The following MED13L variants were observed in gnomAD, a reference collection of about 807,000 sequenced individuals.
The protein encoded by MED13L is mediator of RNA polymerase II transcription subunit 13-like.
A neutral mutation model predicts 220.9 loss-of-function variants in MED13L; 7 were observed. The observed-to-expected ratio is 0.03, with a 90% CI of 0.02 to 0.06. MED13L has a LOEUF of 0.06. MED13L is among the 10% of genes least tolerant of loss of function. The pLI is 1.00. For synonymous variants in MED13L, 1,011 were observed against 1,015.2 expected, an observed-to-expected ratio of 1.00 and a Z score of 0.08; for missense variants, 1,965 against 2,760.5, an observed-to-expected ratio of 0.71 and a Z score of 6.46.
rs762410081 is a variant in MED13L, at chr12:115,991,686, G to T, written c.3268C>A (p.Arg1090=). The T allele has an allele frequency of 6.2e-7, 1 of 1,613,996 alleles. No individual in the cohort carries two copies. Among genetic ancestry groups the T allele is most frequent in the East Asian group, 2.2e-5 (1 of 44,824 alleles). ...GCGGGCTCCACAGAGTTGAGGGGCC[G>T]TGTAGTAGAGGGGGTGGAGGCTGGT... ...GSPASTPSTT[R]PLNSVEPATM... The change falls in exon 17 of 31, where the codon CGG becomes AGG. Residue 1090 remains arginine (R), a synonymous_variant. Coordinates refer to ENST00000281928, the MANE Select transcript of MED13L (RefSeq NM_015335.5). This position sits in a 1 kb window ranked among gnomAD's most constrained non-coding sequence, Gnocchi z 7.7.
intron 2 of MED13L, among the ~76,000 whole-genome samples, chr12:116,200,230 G>A (rs1319956957): frequency 6.6e-6 from 1 of 150,914 alleles, no homozygotes; most frequent in Non-Finnish European, 1.5e-5. Flanking sequence ...TTTAATTATC[G>A]CATTTCCTTC....
At position 115,966,987 on chromosome 12, in the gene MED13L, C is replaced by T. The variant is rs146956131; in HGVS notation, c.6226-744G>A. Among the ~76,000 whole-genome samples, 446 of 151,978 alleles carry T rather than the reference C, an allele frequency of 2.9e-3. 2 individuals carry two copies. Among genetic ancestry groups the T allele is most frequent in the African/African-American group, 1.0e-2 (414 of 41,426 alleles). On this transcript the variant is annotated intron_variant, in intron 28 of 30. Transcript: ENST00000281928. ...AGAATTTCGAGACCTGCCTGGCGAA[C>T]ATGGTGAAACCCCACTCTACTAAAA...
chr12:116,085,703 GGA>G (rs1871603103), intron 4 of MED13L, among the ~76,000 whole-genome samples: 1 of 148,448 alleles, frequency 6.7e-6, no homozygotes, highest in Non-Finnish European at 1.5e-5. Context: ...AATGGGGAAA[GGA>G]GAAAGACTAA....
Position 115,991,625 on chromosome 12 carries a change from T to C in MED13L, c.3329A>G (p.Tyr1110Cys). 1 of 1,614,138 alleles carries C rather than the reference T, an allele frequency of 6.2e-7. No homozygotes were observed. The highest frequency in any genetic ancestry group is 8.5e-7 in the Non-Finnish European group (1 of 1,180,006). Residue 1110 changes from tyrosine (Y) to cysteine (C), a missense_variant, in exon 17 of 31, where the codon TAT (tyrosine) becomes TGT (cysteine). This residue lies in a region of MED13L where 233 missense variants were observed against 306.2 expected (regional missense o/e 0.76). Coordinates refer to ENST00000281928, the MANE Select transcript of MED13L (RefSeq NM_015335.5). This position sits in a 1 kb window ranked among gnomAD's most constrained non-coding sequence, Gnocchi z 7.7. Reference protein sequence around the residue: ...MQPIPEAHSLYVTLILSDSVM... With the variant: ...MQPIPEAHSLCVTLILSDSVM... ...GGAATCGGAGAGAATCAGGGTAACA[T>C]AGAGGCTGTGGGCTTCGGGAATTGG...
chr12:116,063,584 T>C (rs560961107), intron 4 of MED13L, among the ~76,000 whole-genome samples: 11 of 152,294 alleles, frequency 7.2e-5, no homozygotes, highest in Admixed American at 4.6e-4. Flanking sequence ...CCTTCGAGTA[T>C]TAATAATCTA....
At chr12:116,193,031 C>T (rs966151508) in intron 2 of MED13L, among the ~76,000 whole-genome samples, 1 of 152,070 alleles carries the variant, frequency 6.6e-6, no homozygotes, top group African/African-American at 2.4e-5. Flanking sequence ...AGGGGGCTGA[C>T]AGAGGAAAAT....
At chr12:116,182,882 C>A (rs1468204570) in intron 2 of MED13L, among the ~76,000 whole-genome samples, 1 of 152,222 alleles carries the variant, frequency 6.6e-6, no homozygotes, top group Non-Finnish European at 1.5e-5. Context: ...TGCTAACACA[C>A]TGCTCTTCAT....
intron 3 of MED13L, among the ~76,000 whole-genome samples, chr12:116,101,705 C>A (rs1873079963): frequency 6.6e-6 from 1 of 152,132 alleles, no homozygotes; most frequent in South Asian, 2.1e-4. Flanking sequence ...CTTTTAATGA[C>A]AGATAATTCT....
chr12:116,248,960 G>C (rs1251086329), intron 1 of MED13L, among the ~76,000 whole-genome samples: 1 of 152,244 alleles, frequency 6.6e-6, no homozygotes, highest in Non-Finnish European at 1.5e-5. Flanking sequence ...TACAAATGAG[G>C]TGGGCCCTAC....
chr12:116,219,228 T>A (rs368081881), intron 2 of MED13L, among the ~76,000 whole-genome samples: 1 of 152,208 alleles, frequency 6.6e-6, no homozygotes, highest in Non-Finnish European at 1.5e-5. Context: ...TTTATGAACA[T>A]CTAATCAAGG....
At chr12:116,053,908 A>T (rs1868720327) in intron 4 of MED13L, among the ~76,000 whole-genome samples, 1 of 152,090 alleles carries the variant, frequency 6.6e-6, no homozygotes, top group Non-Finnish European at 1.5e-5. Flanking sequence ...CCACAAGCTC[A>T]AGGAGTTAAA....
At chr12:116,113,810 A>G (rs1387574589) in intron 2 of MED13L, among the ~76,000 whole-genome samples, 8 of 31,108 alleles carry the variant, frequency 2.6e-4, no homozygotes, top group East Asian at 1.3e-3. Context: ...GAGGGGAGGG[A>G]GGGGGGAAGA....
intron 2 of MED13L, among the ~76,000 whole-genome samples, chr12:116,163,595 C>T (rs1382125280): frequency 1.3e-5 from 2 of 152,144 alleles, no homozygotes; most frequent in Non-Finnish European, 2.9e-5. Context: ...GAATTCCTGA[C>T]CTCATGATCC....
At position 116,144,392 on chromosome 12, in the gene MED13L, T is replaced by C. The variant is rs1877317634; in HGVS notation, c.311-32880A>G. Among the ~76,000 whole-genome samples, 3 of 152,176 alleles carry C rather than the reference T, an allele frequency of 2.0e-5. No individual in the cohort carries two copies. In the South Asian group the frequency reaches 6.2e-4, roughly 31 times the overall value. On this transcript the variant is annotated intron_variant, in intron 2 of 30. Coordinates refer to ENST00000281928, the MANE Select transcript of MED13L (RefSeq NM_015335.5). ...ACCCTGATAGTGAACTGAGATCCCATTTCTGAAATTCTGGGTGATTCCAAA... is the reference window on the plus strand; with the variant it reads ...ACCCTGATAGTGAACTGAGATCCCACTTCTGAAATTCTGGGTGATTCCAAA...
At chr12:116,022,408 T>C in intron 5 of MED13L, 48 bp downstream of exon 5, 3 of 1,610,052 alleles carry the variant, frequency 1.9e-6, no homozygotes, top group Non-Finnish European at 2.5e-6. Context: ...AAGATGGTTA[T>C]CCACTCGGTG....
rs542948649 is a variant in MED13L at position 116,127,057 on chromosome 12, G to A, written c.311-15545C>T. Among the ~76,000 whole-genome samples the A allele has an allele frequency of 6.6e-5, 10 of 152,280 alleles. No individual in the cohort carries two copies. The East Asian group carries it at 1.7e-3, about 26-fold the overall frequency. ...TCTTTTGAAACATAGGCTATCAATA[G>A]TTTGTCAACTGGTGCTTGAGTATAT... On this transcript the variant is annotated intron_variant, in intron 2 of 30. Transcript: ENST00000281928.
At chr12:115,997,943 ATTGT>A (rs1419067473) in intron 14 of MED13L, among the ~76,000 whole-genome samples, 1 of 152,190 alleles carries the variant, frequency 6.6e-6, no homozygotes, top group East Asian at 1.9e-4. Context: ...AAAAATAAAA[ATTGT>A]TTGGAGCTGA....
At chr12:116,254,022 A>G (rs1871819855) in intron 1 of MED13L, among the ~76,000 whole-genome samples, 1 of 151,900 alleles carries the variant, frequency 6.6e-6, no homozygotes, top group Admixed American at 6.6e-5. Context: ...CGGCCTCCCA[A>G]ATTGCTGGGA....
At position 116,238,031 on chromosome 12, in the gene MED13L, C is replaced by A. The variant is rs139994396; in HGVS notation, c.73-326G>T. ...GAAAACTATTTTCTATGTTATCATT[C>A]AATATTCAACTCACAAATTATATTT... On this transcript the variant is annotated intron_variant, in intron 1 of 30. Coordinates refer to ENST00000281928, the MANE Select transcript of MED13L (RefSeq NM_015335.5). Among the ~76,000 whole-genome samples the A allele has an allele frequency of 1.3e-3, 201 of 152,250 alleles. 1 individual carries two copies. The highest frequency in any genetic ancestry group is 4.6e-3 in the African/African-American group (193 of 41,554).
Sources: gnomAD v4.1 joint callset for allele counts (sites outside exome capture counted in the v4.1 genomes callset) on GRCh38, gnomAD v4.1.1 for gene constraint, gnomAD v4.1.1 regional missense constraint, Gnocchi (gnomAD v3.1) non-coding constraint, MANE v1.5 for transcripts, NCBI Gene and HGNC (gene_info 2026-07-23, HGNC 2026-07-21) for gene names.